The following PXDNL variants were observed in gnomAD, a reference collection of about 807,000 sequenced individuals.
The protein encoded by PXDNL is peroxidasin like.
In PXDNL, 145 loss-of-function variants were observed where a neutral mutation model predicts 150.8. That is an observed-to-expected ratio of 0.96 (90% CI 0.84 to 1.10). The LOEUF is 1.10. PXDNL is among the 50% of genes least tolerant of loss of function. The probability of loss-of-function intolerance (pLI) is 0.00; values close to 1 mark genes in which losing one functional copy is unlikely to be tolerated. For synonymous variants in PXDNL, 757 were observed against 725.7 expected (o/e 1.04, Z -0.69); for missense variants, 2,087 against 1,873.9 (o/e 1.11, Z -2.10).
At chr8:51,593,625 A>T (rs956315815) in intron 2 of PXDNL, among the ~76,000 whole-genome samples, 1 of 152,196 alleles carries the variant, frequency 6.6e-6, no homozygotes, top group African/African-American at 2.4e-5. Flanking sequence ...TGATTATTTC[A>T]GTTATTATGC....
intron 3 of PXDNL, among the ~76,000 whole-genome samples, chr8:51,577,052 G>A (rs544834007): frequency 6.6e-6 from 1 of 151,892 alleles, no homozygotes; most frequent in African/African-American, 2.4e-5. Context: ...TGTCACTGAG[G>A]AATTTTATCA....
At chr8:51,375,395 CTGAT>C (rs1395545348) in intron 17 of PXDNL, among the ~76,000 whole-genome samples, 6 of 152,178 alleles carry the variant, frequency 3.9e-5, no homozygotes, top group Admixed American at 3.3e-4. Context: ...AGGAGCCACT[CTGAT>C]TGTTTTTTTC....
chr8:51,465,832 T>C (rs1164176023), intron 8 of PXDNL, among the ~76,000 whole-genome samples: 1 of 151,940 alleles, frequency 6.6e-6, no homozygotes, highest in African/African-American at 2.4e-5. Flanking sequence ...TAGAACTACA[T>C]CTAACCAAGT....
chr8:51,349,166 T>G (rs962930707), intron 19 of PXDNL, among the ~76,000 whole-genome samples: 2 of 70,492 alleles, frequency 2.8e-5, no homozygotes, highest in African/African-American at 7.2e-5. Flanking sequence ...TGGGTGGGTG[T>G]GTGTGTGGGG....
At chr8:51,678,668 G>T (rs1815679411) in intron 1 of PXDNL, among the ~76,000 whole-genome samples, 1 of 150,488 alleles carries the variant, frequency 6.6e-6, no homozygotes, top group African/African-American at 2.5e-5. Flanking sequence ...ATTGAACAAT[G>T]AGAACACATG....
intron 1 of PXDNL, among the ~76,000 whole-genome samples, chr8:51,744,312 A>AAG (rs1468070082): frequency 3.7e-5 from 3 of 81,146 alleles, no homozygotes; most frequent in African/African-American, 1.3e-4. Flanking sequence ...AAGAAAGAGA[A>AAG]AGAAAGAAAG....
intron 2 of PXDNL, among the ~76,000 whole-genome samples, chr8:51,648,742 T>C (rs1445246657): frequency 6.6e-6 from 1 of 152,228 alleles, no homozygotes; most frequent in Non-Finnish European, 1.5e-5. Flanking sequence ...TATCCTCTTT[T>C]ATAGATATGG....
intron 8 of PXDNL, among the ~76,000 whole-genome samples, chr8:51,464,261 G>C (rs1284800548): frequency 6.6e-6 from 1 of 152,196 alleles, no homozygotes; most frequent in Non-Finnish European, 1.5e-5. Context: ...CTACTCAGGA[G>C]CCTGAGGTGG....
chr8:51,498,300 A>T (rs1563439518), intron 5 of PXDNL, among the ~76,000 whole-genome samples: 1 of 125,238 alleles, frequency 8.0e-6, no homozygotes, highest in Admixed American at 8.3e-5. Flanking sequence ...GGGAGGGGGG[A>T]GGGATAGCAT....
At chr8:51,630,458 T>C (rs1452297879) in intron 2 of PXDNL, among the ~76,000 whole-genome samples, 1 of 152,002 alleles carries the variant, frequency 6.6e-6, no homozygotes, top group Non-Finnish European at 1.5e-5. Flanking sequence ...ACTAAAGAGC[T>C]TCTACGCAGC....
At chr8:51,340,250 A>C (rs1805948840) in intron 20 of PXDNL, 1 of 152,206 alleles carries the variant, frequency 6.6e-6, no homozygotes, top group Admixed American at 6.5e-5. Context: ...CCTGATGCAA[A>C]ATAGCTCAGT....
At chr8:51,684,037 G>A (rs1585672315) in intron 1 of PXDNL, among the ~76,000 whole-genome samples, 1 of 152,170 alleles carries the variant, frequency 6.6e-6, no homozygotes, top group Non-Finnish European at 1.5e-5. Context: ...TAAATTAGCA[G>A]TTCAGAATCA....
At chr8:51,533,479 C>CTGGTATGGACTTCTCTTTTCTTCTT (rs1314059908) in intron 4 of PXDNL, among the ~76,000 whole-genome samples, 3 of 138,860 alleles carry the variant, frequency 2.2e-5, no homozygotes, top group African/African-American at 5.8e-5. Context: ...TTGAGAAGAC[C>CTGGTATGGACTTCTCTTTTCTTCTT]TCTCCCTCCC....
intron 4 of PXDNL, among the ~76,000 whole-genome samples, chr8:51,534,176 A>G (rs1332054918): frequency 7.6e-6 from 1 of 132,010 alleles, no homozygotes. Context: ...CTGGGCCACA[A>G]CCCTGTCTGG....
intron 21 of PXDNL, among the ~76,000 whole-genome samples, chr8:51,325,002 A>G (rs1215289538): frequency 6.6e-6 from 1 of 152,082 alleles, no homozygotes; most frequent in Non-Finnish European, 1.5e-5. Flanking sequence ...AGTAGCTAGG[A>G]TTACAGGCAT....
In PXDNL at chr8:51,743,938, A is replaced by AGGAAGGAAGGAAGGAAGGAAGGAAG. The variant is rs2036934929; in HGVS notation, c.164+65242_164+65243insCTTCCTTCCTTCCTTCCTTCCTTCC. On this transcript the variant is annotated intron_variant, in intron 1 of 22. Transcript: ENST00000356297. ...AAGGAAGGAAGGAAGGAAGGAAGGA[A>AGGAAGGAAGGAAGGAAGGAAGGAAG]GGAGAGAAAGAGAGAAAGAAAAAAG... 1.6e-4 allele frequency among the ~76,000 whole-genome samples: 5 copies of AGGAAGGAAGGAAGGAAGGAAGGAAG among 31,052 alleles called. 1 individual carries two copies. In the Admixed American group the frequency reaches 2.6e-3, roughly 16 times the overall value. 20.4% of individuals were successfully genotyped at this position (31,052 alleles called of 152,430 possible).
At chr8:51,444,238 A>T (rs919625) in intron 12 of PXDNL, among the ~76,000 whole-genome samples, 144,378 of 152,224 alleles carry the variant, frequency 0.95, 68,717 homozygotes, top group Non-Finnish European at 0.99. Context: ...GCTCCAGCAG[A>T]TTTACCCACC....
intron 3 of PXDNL, among the ~76,000 whole-genome samples, chr8:51,592,303 T>G (rs566890833): frequency 2.6e-5 from 4 of 152,236 alleles, no homozygotes; most frequent in African/African-American, 9.6e-5. Flanking sequence ...AACCCTTTTC[T>G]GTGTGTATGG....
At chr8:51,562,535 G>A (rs1812738773) in intron 3 of PXDNL, among the ~76,000 whole-genome samples, 2 of 151,986 alleles carry the variant, frequency 1.3e-5, no homozygotes, top group African/African-American at 4.8e-5. Context: ...CTGAACTAAT[G>A]TATTAAGTTT....
Sources: gnomAD v4.1 joint callset for allele counts (sites outside exome capture counted in the v4.1 genomes callset) on GRCh38, gnomAD v4.1.1 for gene constraint, MANE v1.5 for transcripts, NCBI Gene and HGNC (gene_info 2026-07-23, HGNC 2026-07-21) for gene names.